The following SHCBP1 variants were observed in gnomAD, a reference collection of about 807,000 sequenced individuals.
The protein encoded by SHCBP1 is SHC binding and spindle associated 1.
Under a neutral mutation model 75.1 loss-of-function variants are expected in SHCBP1, and 60 were observed. That is an observed-to-expected ratio of 0.80 (90% confidence interval 0.65 to 0.99). The LOEUF is 0.99. Ranked by LOEUF, SHCBP1 falls within the 50% of genes least tolerant of loss-of-function variation. The probability of loss-of-function intolerance (pLI) is 0.00; values close to 1 mark genes in which losing one functional copy is unlikely to be tolerated. For missense variants in SHCBP1, 709 were observed against 809.4 expected (o/e 0.88, Z 1.50); for synonymous variants, 290 against 293.2 (o/e 0.99, Z 0.11).
intron 10 of SHCBP1, 32 bp downstream of exon 10, chr16:46,595,520 A>G (rs764676760): frequency 6.5e-7 from 1 of 1,541,402 alleles, no homozygotes; most frequent in Non-Finnish European, 9.0e-7. Flanking sequence ...CTTAAACACA[A>G]ACTACTTCCC....
At chr16:46,590,759 C>T (rs149624066) in intron 10 of SHCBP1, among the ~76,000 whole-genome samples, 2,256 of 152,286 alleles carry the variant, frequency 0.015, 29 homozygotes, top group South Asian at 0.048. Context: ...GACAGTGTGG[C>T]AATTCCTCAA....
intron 1 of SHCBP1, among the ~76,000 whole-genome samples, chr16:46,620,242 C>G (rs1203769461): frequency 1.3e-5 from 2 of 152,118 alleles, no homozygotes; most frequent in Non-Finnish European, 2.9e-5. Context: ...TGCACCATCA[C>G]GTCATTGCCT....
At chr16:46,605,628 G>C (rs1965314909) in intron 5 of SHCBP1, among the ~76,000 whole-genome samples, 1 of 152,052 alleles carries the variant, frequency 6.6e-6, no homozygotes, top group African/African-American at 2.4e-5. Context: ...AGATGCTCAG[G>C]GCCCCATCCA....
At chr16:46,596,364 G>A (rs566372313) in intron 9 of SHCBP1, among the ~76,000 whole-genome samples, 7 of 151,912 alleles carry the variant, frequency 4.6e-5, no homozygotes, top group African/African-American at 9.6e-5. Context: ...AAAATTAGCC[G>A]AGCGTGGTGG....
In SHCBP1 at chr16:46,621,379, C is replaced by A. The variant is rs746747510; in HGVS notation, c.-20G>T. On this transcript the variant is annotated 5_prime_UTR_variant, in exon 1 of 13. Coordinates refer to ENST00000303383, the MANE Select transcript of SHCBP1 (RefSeq NM_024745.5). ...AGCCATTTCAAATTTCCGCGGACGG[C>A]AGCCCAGGCAACGACGTGATGACGC... The A allele has an allele frequency of 2.5e-6, 4 of 1,608,648 alleles. No homozygotes were observed. Among genetic ancestry groups the A allele is most frequent in the Non-Finnish European group, 1.7e-6 (2 of 1,177,400 alleles).
At chr16:46,600,638 T>TA (rs1337183955) in intron 8 of SHCBP1, among the ~76,000 whole-genome samples, 29 of 152,222 alleles carry the variant, frequency 1.9e-4, no homozygotes, top group South Asian at 4.1e-4. Context: ...AATATTCTCT[T>TA]AAACAGTTGG....
intron 1 of SHCBP1, chr16:46,620,811 G>A (rs79501555): frequency 0.011 from 1,662 of 155,274 alleles, 26 homozygotes; most frequent in Non-Finnish European, 0.015. Flanking sequence ...CTTTGGACAC[G>A]TCACTACCCT....
intron 4 of SHCBP1, among the ~76,000 whole-genome samples, chr16:46,610,389 T>A (rs1298396547): frequency 6.6e-6 from 1 of 152,016 alleles, no homozygotes; most frequent in African/African-American, 2.4e-5. Context: ...CTTGTTCCAA[T>A]CAGGCACCAA....
intron 10 of SHCBP1, among the ~76,000 whole-genome samples, chr16:46,584,486 A>G (rs2142997356): frequency 6.6e-6 from 1 of 152,316 alleles, no homozygotes; most frequent in Non-Finnish European, 1.5e-5. Context: ...AATTAGTTGG[A>G]GATAAGTATT....
chr16:46,597,193 T>G (rs955007476), intron 9 of SHCBP1, among the ~76,000 whole-genome samples: 2 of 152,102 alleles, frequency 1.3e-5, no homozygotes, highest in African/African-American at 2.4e-5. Context: ...GGTGGATCAC[T>G]TAAGGCCAGG....
At chr16:46,601,683 G>T (rs1965239333) in intron 8 of SHCBP1, among the ~76,000 whole-genome samples, 1 of 152,142 alleles carries the variant, frequency 6.6e-6, no homozygotes, top group Admixed American at 6.6e-5. Context: ...TCTGATTGTT[G>T]TATGTATCTG....
Position 46,584,094 on chromosome 16 carries a change from G to A in SHCBP1, c.1465-5C>T. 1 of 1,582,706 alleles carries A rather than the reference G, an allele frequency of 6.3e-7. No individual in the cohort carries two copies. The highest frequency in any genetic ancestry group is 8.6e-7 in the Non-Finnish European group (1 of 1,161,196). ...GTAGATTTCTATACCAGCACCCTGT[G>A]AGTCACAGTTTGAGATAATGACAAT... On this transcript the variant is annotated splice_polypyrimidine_tract_variant and splice_region_variant and intron_variant, in intron 10 of 12. Transcript: ENST00000303383.
At position 46,616,021 on chromosome 16, in the gene SHCBP1, G is replaced by A; in HGVS notation, c.521C>T (p.Pro174Leu). The A allele has an allele frequency of 6.2e-7, 1 of 1,614,078 alleles. No individual in the cohort carries two copies. The highest frequency in any genetic ancestry group is 1.1e-5 in the South Asian group (1 of 91,074). ...ELLDLKEHRL[P>L]LQELWVVFDD... is the part of the protein sequence containing the mutation. ...AAACACCACCCACAGCTCCTGCAGG[G>A]GCAACCGATGCTCCTTCAGATCAAG... Residue 174 changes from proline (P) to leucine (L), a missense_variant, in exon 4 of 13, where the codon CCC (proline) becomes CTC (leucine). Coordinates refer to ENST00000303383, the MANE Select transcript of SHCBP1 (RefSeq NM_024745.5). This position sits in a 1 kb window ranked among gnomAD's most constrained non-coding sequence, Gnocchi z 4.4.
intron 10 of SHCBP1, among the ~76,000 whole-genome samples, chr16:46,585,858 C>G (rs767222007): frequency 6.6e-5 from 10 of 152,142 alleles, no homozygotes; most frequent in Non-Finnish European, 1.3e-4. Context: ...GAAGCTAGAC[C>G]TCCCACCCCT....
chr16:46,612,047 G>C (rs1965424029), intron 4 of SHCBP1, among the ~76,000 whole-genome samples: 1 of 152,178 alleles, frequency 6.6e-6, no homozygotes, highest in Non-Finnish European at 1.5e-5. Flanking sequence ...TGATCCCTGG[G>C]TAACTCTGAC....
Position 46,620,290 on chromosome 16 carries a change from A to G in SHCBP1, c.103+967T>C, listed in dbSNP as rs1596693984. On this transcript the variant is annotated intron_variant, in intron 1 of 12. Transcript: ENST00000303383. ...ATAATAATACAGTATTATTAACTATAGTCACCATGCTGTATGTACATCAGA... is the reference window on the plus strand; with the variant it reads ...ATAATAATACAGTATTATTAACTATGGTCACCATGCTGTATGTACATCAGA... Among the ~76,000 whole-genome samples the G allele has an allele frequency of 2.6e-5, 4 of 152,304 alleles. No homozygotes were observed. In the South Asian group the frequency reaches 8.3e-4, roughly 32 times the overall value.
At chr16:46,601,150 A>T (rs1239650503) in intron 8 of SHCBP1, among the ~76,000 whole-genome samples, 2 of 152,130 alleles carry the variant, frequency 1.3e-5, no homozygotes, top group South Asian at 4.2e-4. Context: ...CTCTACTAAA[A>T]CTACAAAAAT....
At chr16:46,599,722 G>T in intron 9 of SHCBP1, 109 bp downstream of exon 9, 1 of 332,264 alleles carries the variant, frequency 3.0e-6, no homozygotes, top group Non-Finnish European at 4.6e-6. Context: ...ATAAAACAAG[G>T]TATGCCTGTA....
intron 4 of SHCBP1, among the ~76,000 whole-genome samples, chr16:46,611,169 T>C (rs1438466604): frequency 6.6e-6 from 1 of 152,192 alleles, no homozygotes; most frequent in Non-Finnish European, 1.5e-5. Context: ...GTGCACTCTG[T>C]GATGAAATGG....
Sources: allele counts gnomAD v4.1 joint callset (sites outside exome capture counted in the v4.1 genomes callset), GRCh38; gene constraint gnomAD v4.1.1; non-coding constraint Gnocchi (gnomAD v3.1); transcripts MANE v1.5; gene names NCBI Gene and HGNC (gene_info 2026-07-23, HGNC 2026-07-21).